Variants in PAPPA2 observed in about 807,000 individuals in gnomAD.
The protein encoded by PAPPA2 is pappalysin 2.
A neutral mutation model predicts 176.4 loss-of-function variants in PAPPA2; 86 were observed. The ratio of observed to expected loss-of-function variants is 0.49; its 90% CI spans 0.41 to 0.58. The LOEUF (loss-of-function observed/expected upper bound fraction) is 0.58, where lower values mean the gene tolerates loss of function less well. Ranked by LOEUF, PAPPA2 falls within the 20% of genes least tolerant of loss-of-function variation. The pLI is 0.00. For missense variants in PAPPA2, 2,073 were observed against 2,256.9 expected, an observed-to-expected ratio of 0.92 and a Z score of 1.65; for synonymous variants, 809 against 852.2, an observed-to-expected ratio of 0.95 and a Z score of 0.88.
intron 20 of PAPPA2, among the ~76,000 whole-genome samples, chr1:176,799,475 A>G (rs1665580502): frequency 6.6e-6 from 1 of 152,160 alleles, no homozygotes; most frequent in African/African-American, 2.4e-5. Context: ...TGTGTCCTGC[A>G]TATGTGTACT....
intron 4 of PAPPA2, among the ~76,000 whole-genome samples, chr1:176,671,677 A>G (rs1659010219): frequency 6.6e-6 from 1 of 152,078 alleles, no homozygotes; most frequent in African/African-American, 2.4e-5. Flanking sequence ...TCCAACAATG[A>G]TAGACTGGAT....
chr1:176,498,616 G>T (rs1286911098), intron 1 of PAPPA2, among the ~76,000 whole-genome samples: 2 of 151,946 alleles, frequency 1.3e-5, no homozygotes, highest in Non-Finnish European at 2.9e-5. Flanking sequence ...CAGGTGTGGT[G>T]GCGGGCGCCT....
At chr1:176,500,166 A>T (rs1270018668) in intron 1 of PAPPA2, among the ~76,000 whole-genome samples, 1 of 152,124 alleles carries the variant, frequency 6.6e-6, no homozygotes, top group African/African-American at 2.4e-5. Flanking sequence ...TTTACCCTGT[A>T]AAAATAAGAT....
At chr1:176,571,314 G>A (rs1284541500) in intron 2 of PAPPA2, among the ~76,000 whole-genome samples, 1 of 152,108 alleles carries the variant, frequency 6.6e-6, no homozygotes, top group Non-Finnish European at 1.5e-5. Flanking sequence ...TATTAGTTAG[G>A]AATGCAGAAT....
At chr1:176,546,447 C>A (rs1358081991) in intron 1 of PAPPA2, among the ~76,000 whole-genome samples, 1 of 152,126 alleles carries the variant, frequency 6.6e-6, no homozygotes, top group Admixed American at 6.6e-5. Context: ...AAAATGCTCA[C>A]ATTTTTCTAT....
At chr1:176,811,867 C>A (rs1666165677) in intron 21 of PAPPA2, among the ~76,000 whole-genome samples, 1 of 152,140 alleles carries the variant, frequency 6.6e-6, no homozygotes, top group Non-Finnish European at 1.5e-5. Flanking sequence ...ACTAGGTTTT[C>A]ATTTTGAAAG....
intron 3 of PAPPA2, among the ~76,000 whole-genome samples, chr1:176,646,913 T>A (rs1657427493): frequency 6.6e-6 from 1 of 151,676 alleles, no homozygotes; most frequent in African/African-American, 2.4e-5. Context: ...TTCTTTTCTG[T>A]TGAATATATA....
At chr1:176,802,751 C>G (rs972872987) in intron 21 of PAPPA2, among the ~76,000 whole-genome samples, 20 of 152,200 alleles carry the variant, frequency 1.3e-4, no homozygotes, top group Non-Finnish European at 2.4e-4. Context: ...AGTAAATCCA[C>G]CAGCTCAGTA....
chr1:176,674,456 T>A (rs1174363438), intron 4 of PAPPA2, among the ~76,000 whole-genome samples: 3 of 152,074 alleles, frequency 2.0e-5, no homozygotes, highest in South Asian at 4.1e-4. Context: ...TGTATCATTC[T>A]TATGTCTTTA....
At chr1:176,572,039 T>C (rs1652377061) in intron 2 of PAPPA2, among the ~76,000 whole-genome samples, 1 of 152,148 alleles carries the variant, frequency 6.6e-6, no homozygotes, top group South Asian at 2.1e-4. Context: ...CCAGCCCATC[T>C]CTGCTTCACA....
rs146173626 is a variant in PAPPA2, at chr1:176,801,909, G to A, written c.5202+1777G>A. 5.3e-5 allele frequency among the ~76,000 whole-genome samples: 8 copies of A among 152,134 alleles called. No individual in the cohort carries two copies. In the East Asian group the frequency reaches 1.4e-3, roughly 26 times the overall value. ...CTTATCCAGAGCTTCCTAGGCTGTC[G>A]TCAGTCCCTTTGTTGATGTGACAAG... is the stretch of plus-strand genomic sequence containing the variant. On this transcript the variant is annotated intron_variant, in intron 21 of 22. Coordinates refer to ENST00000367662, the MANE Select transcript of PAPPA2 (RefSeq NM_020318.3).
intron 7 of PAPPA2, among the ~76,000 whole-genome samples, chr1:176,696,745 A>G (rs949860595): frequency 3.3e-5 from 5 of 152,274 alleles, no homozygotes; most frequent in African/African-American, 1.2e-4. Context: ...ACTAGAAACA[A>G]TTAAATAAGA....
chr1:176,622,120 G>A (rs964815868), intron 3 of PAPPA2, among the ~76,000 whole-genome samples: 1 of 152,044 alleles, frequency 6.6e-6, no homozygotes, highest in African/African-American at 2.4e-5. Context: ...TCTGTAGTTT[G>A]TCTCCATTTC....
intron 1 of PAPPA2, among the ~76,000 whole-genome samples, chr1:176,465,618 C>G (rs1252907077): frequency 6.6e-6 from 1 of 150,540 alleles, no homozygotes; most frequent in Non-Finnish European, 1.5e-5. Context: ...AACCTCATGC[C>G]TATCCTGACC....
intron 1 of PAPPA2, among the ~76,000 whole-genome samples, chr1:176,537,949 C>G (rs142165456): frequency 1.3e-5 from 2 of 151,984 alleles, no homozygotes; most frequent in African/African-American, 4.8e-5. Context: ...AGTTATGTGT[C>G]CTGAATCCAA....
intron 18 of PAPPA2, among the ~76,000 whole-genome samples, chr1:176,791,145 T>G (rs763763245): frequency 6.6e-5 from 10 of 151,588 alleles, no homozygotes; most frequent in Non-Finnish European, 1.5e-4. Flanking sequence ...ATTGTCATCA[T>G]GATTCCTCTG....
intron 12 of PAPPA2, among the ~76,000 whole-genome samples, chr1:176,730,122 T>C (rs1457368604): frequency 2.6e-5 from 4 of 151,964 alleles, no homozygotes; most frequent in African/African-American, 9.7e-5. Flanking sequence ...AATATTCCAA[T>C]TATAGAAGCC....
chr1:176,556,506 T>C lies in PAPPA2; in HGVS notation c.184T>C (p.Ser62Pro). Residue 62 changes from serine (S) to proline (P), a missense_variant, in exon 2 of 23, where the codon TCT becomes CCT. Transcript: ENST00000367662. ...LGAKVRRPRASPQHHLFGVYP... is the reference protein window; with the variant it reads ...LGAKVRRPRAPPQHHLFGVYP... The stretch of plus-strand genomic sequence containing the variant: ...GGCCAAGGTTCGAAGACCCAGAGCT[T>C]CTCCACAGCATCACCTCTTTGGAGT... 1 of 1,614,100 alleles carries C rather than the reference T, an allele frequency of 6.2e-7. No homozygotes were observed. The highest frequency in any genetic ancestry group is 8.5e-7 in the Non-Finnish European group (1 of 1,180,008).
At chr1:176,589,795 G>T (rs1051472102) in intron 2 of PAPPA2, among the ~76,000 whole-genome samples, 1 of 152,188 alleles carries the variant, frequency 6.6e-6, no homozygotes, top group African/African-American at 2.4e-5. Context: ...ACAAACTCAA[G>T]AGTTTCACCA....
Sources: allele counts gnomAD v4.1 joint callset (sites outside exome capture counted in the v4.1 genomes callset), GRCh38; gene constraint gnomAD v4.1.1; transcripts MANE v1.5; gene names NCBI Gene and HGNC (gene_info 2026-07-23, HGNC 2026-07-21).